The following GRAMD1B variants were observed in gnomAD, a reference collection of about 807,000 sequenced individuals.
The protein encoded by GRAMD1B is GRAM domain containing 1B.
In GRAMD1B, 37 loss-of-function variants were observed where a neutral mutation model predicts 99.7. The ratio of observed to expected loss-of-function variants is 0.37; its 90% CI spans 0.29 to 0.49. The LOEUF (loss-of-function observed/expected upper bound fraction) is 0.49, where lower values mean the gene tolerates loss of function less well. GRAMD1B is among the 20% of genes least tolerant of loss of function. The pLI, the probability that GRAMD1B is intolerant of heterozygous loss-of-function variation, is 0.98. For synonymous variants in GRAMD1B, 427 were observed against 387.6 expected (o/e 1.10, Z -1.19); for missense variants, 888 against 1,009.2 (o/e 0.88, Z 1.63).
Position 123,524,424 on chromosome 11 carries a change from T to C in GRAMD1B, c.452+43531T>C, listed in dbSNP as rs192854060. Among the ~76,000 whole-genome samples, 340 of 151,950 alleles carry C rather than the reference T, an allele frequency of 2.2e-3. 2 individuals carry two copies. The highest frequency in any genetic ancestry group is 7.9e-3 in the African/African-American group (328 of 41,488). On this transcript the variant is annotated intron_variant, in intron 2 of 19. Transcript: ENST00000635736. ...GGTGGGATCTGGGCTCACTGCAGCC[T>C]CTATCTCTCTGGTTCAAGCAATTGT...
At chr11:123,485,719 T>A (rs1937665050) in intron 2 of GRAMD1B, among the ~76,000 whole-genome samples, 1 of 107,696 alleles carries the variant, frequency 9.3e-6, no homozygotes, top group Admixed American at 1.1e-4. Context: ...TTCATTCTTT[T>A]TTTTTTTTTT....
rs553072153 is a variant in GRAMD1B, at chr11:123,595,798, T to A, written c.874-144T>A. ...CTGTGAAATAAAGGGGTAAACCAGATGATCACCAATGCGGCCTCTTCCAGG... is the reference window on the plus strand; with the variant it reads ...CTGTGAAATAAAGGGGTAAACCAGAAGATCACCAATGCGGCCTCTTCCAGG... On this transcript the variant is annotated intron_variant, in intron 6 of 19. Transcript: ENST00000635736. The A allele has an allele frequency of 7.1e-6, 4 of 561,632 alleles. No individual in the cohort carries two copies. The South Asian group carries it at 9.1e-5, about 13-fold the overall frequency. The allele number at this position is 561,632 out of a possible 1,614,324, so 34.8% of individuals were successfully genotyped here. A position where few individuals can be genotyped will look rare whatever the true frequency, so the allele number is the denominator to read the frequency against.
chr11:123,543,031 C>T (rs1466840897), intron 2 of GRAMD1B, among the ~76,000 whole-genome samples: 2 of 151,986 alleles, frequency 1.3e-5, no homozygotes, highest in African/African-American at 2.4e-5. Context: ...TGTCTACCTC[C>T]TTTGCACTTG....
At chr11:123,585,429 C>G (rs1442584594) in intron 4 of GRAMD1B, among the ~76,000 whole-genome samples, 1 of 152,208 alleles carries the variant, frequency 6.6e-6, no homozygotes, top group Non-Finnish European at 1.5e-5. Flanking sequence ...GTGACCAGCC[C>G]GTCCTGGGTG....
intron 1 of GRAMD1B, among the ~76,000 whole-genome samples, chr11:123,383,907 G>C (rs1052723510): frequency 2.6e-5 from 4 of 151,518 alleles, no homozygotes; most frequent in African/African-American, 9.7e-5. Context: ...GTCTTGCTCT[G>C]TTGCCCAGGC....
chr11:123,472,115 C>G (rs918304310), intron 1 of GRAMD1B, among the ~76,000 whole-genome samples: 1 of 151,872 alleles, frequency 6.6e-6, no homozygotes, highest in Non-Finnish European at 1.5e-5. Flanking sequence ...GGCCTGTCAT[C>G]CCAGCTACTC....
chr11:123,385,289 G>T (rs185501923), intron 1 of GRAMD1B, among the ~76,000 whole-genome samples: 136 of 152,244 alleles, frequency 8.9e-4, no homozygotes, highest in Non-Finnish European at 1.6e-3. Context: ...CTGAGCTCAA[G>T]CTCTCCTTAA....
At chr11:123,558,730 A>G (rs867399533) in intron 2 of GRAMD1B, among the ~76,000 whole-genome samples, 3 of 152,196 alleles carry the variant, frequency 2.0e-5, no homozygotes, top group Admixed American at 6.5e-5. Context: ...GGCATTGCCA[A>G]TATACCTTTC....
intron 1 of GRAMD1B, among the ~76,000 whole-genome samples, chr11:123,403,613 G>A (rs1455162921): frequency 1.3e-5 from 2 of 151,464 alleles, no homozygotes; most frequent in Non-Finnish European, 2.9e-5. Context: ...CAGCAATCTC[G>A]GCTCACTACA....
chr11:123,577,233 G>C, intron 2 of GRAMD1B, 134 bp from the exon 3 acceptor site: 1 of 750,118 alleles, frequency 1.3e-6, no homozygotes, highest in East Asian at 2.7e-5. Flanking sequence ...CCTCTCTCCC[G>C]GTTTCTCCCC....
At chr11:123,584,019 T>A (rs1949764776) in intron 3 of GRAMD1B, among the ~76,000 whole-genome samples, 1 of 152,042 alleles carries the variant, frequency 6.6e-6, no homozygotes, top group African/African-American at 2.4e-5. Context: ...CCTCACCCCA[T>A]CAGAACCTTG....
At chr11:123,391,034 G>A (rs1947259218) in intron 1 of GRAMD1B, among the ~76,000 whole-genome samples, 2 of 152,198 alleles carry the variant, frequency 1.3e-5, no homozygotes, top group African/African-American at 2.4e-5. Context: ...CAAGCACATG[G>A]CCTGTGCCAC....
At chr11:123,504,121 G>A (rs1242223168) in intron 2 of GRAMD1B, among the ~76,000 whole-genome samples, 1 of 152,150 alleles carries the variant, frequency 6.6e-6, no homozygotes, top group East Asian at 1.9e-4. Flanking sequence ...TTGTTGCGGG[G>A]GCGGTCTCAG....
At chr11:123,467,689 TG>T (rs966120580) in intron 1 of GRAMD1B, among the ~76,000 whole-genome samples, 1 of 152,108 alleles carries the variant, frequency 6.6e-6, no homozygotes, top group African/African-American at 2.4e-5. Context: ...AAAACATAGT[TG>T]GTGGAAACAT....
At chr11:123,479,904 G>T (rs73612062) in intron 1 of GRAMD1B, among the ~76,000 whole-genome samples, 1,730 of 152,108 alleles carry the variant, frequency 0.011, 21 homozygotes, top group African/African-American at 0.038. Flanking sequence ...CCACTAAAAA[G>T]TACAAAAACC....
chr11:123,447,315 A>G (rs983545040), intron 1 of GRAMD1B, among the ~76,000 whole-genome samples: 18 of 152,152 alleles, frequency 1.2e-4, no homozygotes, highest in Non-Finnish European at 1.5e-5. Flanking sequence ...CTTCAGAAAA[A>G]CTGAGAAGTC....
chr11:123,461,204 C>T (rs560161671), intron 1 of GRAMD1B, among the ~76,000 whole-genome samples: 4 of 152,338 alleles, frequency 2.6e-5, no homozygotes, highest in Admixed American at 6.5e-5. Flanking sequence ...ATGTTCTTGT[C>T]AGTTCAGTCG....
At chr11:123,560,454 C>A in intron 2 of GRAMD1B, 1 of 1,196,652 alleles carries the variant, frequency 8.4e-7, no homozygotes, top group Non-Finnish European at 1.1e-6. Flanking sequence ...AGCAAAGAAG[C>A]GCCCCCAGCT....
At chr11:123,465,470 T>C (rs1255687994) in intron 1 of GRAMD1B, among the ~76,000 whole-genome samples, 1 of 152,094 alleles carries the variant, frequency 6.6e-6, no homozygotes, top group Non-Finnish European at 1.5e-5. Flanking sequence ...TGTCTTTCAT[T>C]AGAAACACAC....
Sources: allele counts gnomAD v4.1 joint callset (sites outside exome capture counted in the v4.1 genomes callset), GRCh38; gene constraint gnomAD v4.1.1; transcripts MANE v1.5; gene names NCBI Gene and HGNC (gene_info 2026-07-23, HGNC 2026-07-21).